The following TH variants were observed in gnomAD, a reference collection of about 807,000 sequenced individuals.
TH encodes the protein tyrosine 3-monooxygenase.
TH carries 49 observed loss-of-function variants against 57.4 expected under a neutral mutation model. The observed-to-expected ratio is 0.85, with a 90% CI of 0.68 to 1.08. TH has a LOEUF of 1.08. Ranked by LOEUF, TH falls within the 50% of genes least tolerant of loss-of-function variation. The pLI is 0.00. For missense variants in TH, 720 were observed against 696.7 expected (o/e 1.03, Z -0.38); for synonymous variants, 330 against 304.5 (o/e 1.08, Z -0.87).
chr11:2,169,166 G>A (rs536935189), intron 2 of TH, among the ~76,000 whole-genome samples: 169 of 152,224 alleles, frequency 1.1e-3, no homozygotes, highest in Admixed American at 3.8e-3. Flanking sequence ...CTGGCTCTGG[G>A]AGCTGGGGGG....
intron 5 of TH, 83 bp downstream of exon 5, chr11:2,167,783 C>G: frequency 1.4e-6 from 2 of 1,470,248 alleles, no homozygotes; most frequent in East Asian, 4.9e-5. Context: ...ATGGGTCCTC[C>G]CCTTTGTCCT....
At position 2,171,090 on chromosome 11, in the gene TH, T is replaced by TGAAC. The variant is rs1176777214; in HGVS notation, c.90+606_90+607insGTTC. Reference sequence around the variant, plus strand: ...CAGGGAACACAGACTCCATGGTGAATGAATGAATGAATGAATGAATGAATG... The same window carrying TGAAC: ...CAGGGAACACAGACTCCATGGTGAATGAACGAATGAATGAATGAATGAATGAATG... On this transcript the variant is annotated intron_variant, in intron 1 of 12. Coordinates refer to ENST00000352909, the MANE Select transcript of TH (RefSeq NM_000360.4). This position sits in a 1 kb window ranked among gnomAD's most constrained non-coding sequence, Gnocchi z 8.6. Among the ~76,000 whole-genome samples the TGAAC allele has an allele frequency of 3.4e-5, 3 of 89,064 alleles. No individual in the cohort carries two copies. Among genetic ancestry groups the TGAAC allele is most frequent in the Non-Finnish European group, 8.4e-5 (3 of 35,850 alleles). The allele number at this position is 89,064 out of a possible 152,430, so 58.4% of individuals were successfully genotyped here.
rs761759801 is a variant in TH at position 2,171,798 on chromosome 11, G to C, written c.-12C>G. On this transcript the variant is annotated 5_prime_UTR_variant, in exon 1 of 13. Transcript: ENST00000352909. This position sits in a 1 kb window ranked among gnomAD's most constrained non-coding sequence, Gnocchi z 8.6. ...TCGGGGGTGGGCATGGCTCAGTGTGGAGGTCCGGGCTCCGTCTCCACAGCC... is the reference window on the plus strand; with the variant it reads ...TCGGGGGTGGGCATGGCTCAGTGTGCAGGTCCGGGCTCCGTCTCCACAGCC... 13 of 1,609,514 alleles carry C rather than the reference G, an allele frequency of 8.1e-6. No individual in the cohort carries two copies. The South Asian group carries it at 1.1e-4, about 14-fold the overall frequency.
In TH at chr11:2,165,550, G is replaced by A. The variant is rs534939145; in HGVS notation, c.1200+118C>T. 4.4e-6 allele frequency: 6 copies of A among 1,359,670 alleles called. No individual in the cohort carries two copies. In the African/African-American group the frequency reaches 7.2e-5, roughly 16 times the overall value. The allele number at this position is 1,359,670 out of a possible 1,614,324, so 84.2% of individuals were successfully genotyped here. A position where few individuals can be genotyped will look rare whatever the true frequency, so the allele number is the denominator to read the frequency against. ...GCAGAGACAAGCCTTCTCCCAAACA[G>A]AGCCTGAGTCCTGGAGGTCCAGGCC... On this transcript the variant is annotated intron_variant, in intron 11 of 12. Coordinates refer to ENST00000352909, the MANE Select transcript of TH (RefSeq NM_000360.4).
At chr11:2,168,735 G>C in intron 2 of TH, 70 bp from the exon 3 acceptor site, 1 of 474,904 alleles carries the variant, frequency 2.1e-6, no homozygotes. Flanking sequence ...GGGTGGGGTG[G>C]GCGGGGAGGA....
rs1414529341 is a variant in TH at position 2,170,813 on chromosome 11, AGGGGAGGGCG to A, written c.90+874_90+883del. The A allele has an allele frequency of 4.1e-4, 8 of 19,700 alleles. No homozygotes were observed. Among genetic ancestry groups the A allele is most frequent in the East Asian group, 4.8e-4 (1 of 2,064 alleles). The allele number at this position is 19,700 out of a possible 1,614,324, so 1.2% of individuals were successfully genotyped here. On this transcript the variant is annotated intron_variant, in intron 1 of 12. Coordinates refer to ENST00000352909, the MANE Select transcript of TH (RefSeq NM_000360.4). This position sits in a 1 kb window ranked among gnomAD's most constrained non-coding sequence, Gnocchi z 6.0. Reference sequence around the variant, plus strand: ...GATGGGGAGCCTGGTGGGGGAGGGTAGGGGAGGGCGGGGGAGGACGGGGGAGGGCGCCCTG... The same window carrying A: ...GATGGGGAGCCTGGTGGGGGAGGGTAGGGGAGGACGGGGGAGGGCGCCCTG...
chr11:2,167,053 G>A lies in TH; in HGVS notation c.696-21C>T, dbSNP rs1282411082. The A allele has an allele frequency of 3.2e-6, 5 of 1,568,520 alleles. No homozygotes were observed. The Admixed American group carries it at 5.5e-5, about 17-fold the overall frequency. On this transcript the variant is annotated intron_variant, in intron 6 of 12. Transcript: ENST00000352909. ...CCTTCCTGCGGGCAGCCAGGCTCAG[G>A]GCCCTCTAATGCCCCACCCCAGTGC...
chr11:2,165,325 G>T lies in TH; in HGVS notation c.1241C>A (p.Pro414His). 6.2e-7 allele frequency: 1 copy of T among 1,612,452 alleles called. No homozygotes were observed. The highest frequency in any genetic ancestry group is 8.5e-7 in the Non-Finnish European group (1 of 1,180,000). The change falls in exon 12 of 13, where the codon CCT becomes CAT. Residue 414 changes from proline to histidine, a missense_variant. By Grantham distance (77) the Pro-to-His change is moderately conservative (BLOSUM62 -2). Coordinates refer to ENST00000352909, the MANE Select transcript of TH (RefSeq NM_000360.4). ...SEEPEIRAFD[P>H]EAAAVQPYQD... ...GTAGGGCTGCACGGCCGCAGCCTCA[G>T]GGTCGAAGGCCCGAATCTCAGGCTC...
Position 2,164,185 on chromosome 11 carries a change from G to A in TH, c.*48C>T, listed in dbSNP as rs778553992. ...TCACCAGGGCCTGAGCTCCGGGACA[G>A]TGCAGGACCAGGGGAGGTTGGGAAG... On this transcript the variant is annotated 3_prime_UTR_variant, in exon 13 of 13. Coordinates refer to ENST00000352909, the MANE Select transcript of TH (RefSeq NM_000360.4). The A allele has an allele frequency of 5.2e-5, 73 of 1,410,386 alleles. No homozygotes were observed. The highest frequency in any genetic ancestry group is 6.6e-5 in the Non-Finnish European group (71 of 1,078,478). 87.4% of individuals were successfully genotyped at this position (1,410,386 alleles called of 1,614,324 possible).
At position 2,170,762 on chromosome 11, in the gene TH, C is replaced by T. The variant is rs371277838; in HGVS notation, c.91-891G>A. On this transcript the variant is annotated intron_variant, in intron 1 of 12. Coordinates refer to ENST00000352909, the MANE Select transcript of TH (RefSeq NM_000360.4). The surrounding 1 kb of genome is among the most constrained non-coding windows in gnomAD (Gnocchi z 6.0). ...ACGGAGAGCCTGTGAGGCTGGGCCC[C>T]GGGGCGCCCTGGGGAGGGGATGCCT... 8.5e-5 allele frequency: 99 copies of T among 1,160,692 alleles called. No homozygotes were observed. The highest frequency in any genetic ancestry group is 7.8e-4 in the African/African-American group (37 of 47,306). 71.9% of individuals were successfully genotyped at this position (1,160,692 alleles called of 1,614,324 possible).
In TH at chr11:2,171,260, G is replaced by A. The variant is rs1482015054; in HGVS notation, c.90+437C>T. 6.6e-6 allele frequency among the ~76,000 whole-genome samples: 1 copy of A among 151,962 alleles called. No individual in the cohort carries two copies. The highest frequency in any genetic ancestry group is 1.5e-5 in the Non-Finnish European group (1 of 67,960). ...GCCTTGGGGCTGCCTCCCCAAGCAG[G>A]CAGGCTGGTTGGGGTGCTGACTAGG... is the stretch of plus-strand genomic sequence containing the variant. On this transcript the variant is annotated intron_variant, in intron 1 of 12. Coordinates refer to ENST00000352909, the MANE Select transcript of TH (RefSeq NM_000360.4). The surrounding 1 kb of genome is among the most constrained non-coding windows in gnomAD (Gnocchi z 8.6).
At chr11:2,165,081 C>T in intron 12 of TH, 151 bp downstream of exon 12, 1 of 1,167,020 alleles carries the variant, frequency 8.6e-7, no homozygotes, top group South Asian at 1.3e-5. Flanking sequence ...CGGATGGTGT[C>T]CCTGCTGTGT....
intron 5 of TH, 166 bp downstream of exon 5, chr11:2,167,700 C>T (rs1211110790): frequency 8.9e-7 from 1 of 1,129,682 alleles, no homozygotes; most frequent in African/African-American, 1.5e-5. Flanking sequence ...CTCAGTTTCC[C>T]CACTGGGATT....
At position 2,165,767 on chromosome 11, in the gene TH, C is replaced by T. The variant is rs772712441; in HGVS notation, c.1105-4G>A. 1.4e-5 allele frequency: 22 copies of T among 1,610,952 alleles called. No individual in the cohort carries two copies. The highest frequency in any genetic ancestry group is 3.3e-5 in the Admixed American group (2 of 59,898). ...ACTCCACCGTGAACCAGTACAGCTG[C>T]GGGGAAGCCGGGCAGCATCAGCCCA... On this transcript the variant is annotated splice_polypyrimidine_tract_variant and splice_region_variant and intron_variant, in intron 10 of 12. Transcript: ENST00000352909.
At chr11:2,164,958 G>A (rs547314904) in intron 12 of TH, among the ~76,000 whole-genome samples, 14 of 152,252 alleles carry the variant, frequency 9.2e-5, no homozygotes, top group Non-Finnish European at 1.6e-4. Context: ...TCCACAGGAC[G>A]TCCTCACAAA....
chr11:2,167,971 C>T (rs1371586841), intron 4 of TH, 38 bp from the exon 5 acceptor site: 8 of 1,610,168 alleles, frequency 5.0e-6, no homozygotes, highest in East Asian at 2.2e-5. Context: ...GGAGGCTGTG[C>T]TGGGGTGGGG....
chr11:2,171,573 C>T lies in TH; in HGVS notation c.90+124G>A, dbSNP rs1201126943. On this transcript the variant is annotated intron_variant, in intron 1 of 12. Transcript: ENST00000352909. This position sits in a 1 kb window ranked among gnomAD's most constrained non-coding sequence, Gnocchi z 8.6. ...CCAGGCCTCCACATCCACGCCGCGT[C>T]CCAGGGGTTTGCATGGACCCTGAGC... 1 of 1,055,040 alleles carries T rather than the reference C, an allele frequency of 9.5e-7. No homozygotes were observed. 65.4% of individuals were successfully genotyped at this position (1,055,040 alleles called of 1,614,324 possible).
At chr11:2,169,474 G>C (rs531270921) in intron 2 of TH, among the ~76,000 whole-genome samples, 176 bp downstream of exon 2, 1 of 152,218 alleles carries the variant, frequency 6.6e-6, no homozygotes, top group Non-Finnish European at 1.5e-5. Flanking sequence ...AAAACACGGG[G>C]GTGTGGCTAG....
At chr11:2,169,601 C>A (rs764589545) in intron 2 of TH, 49 bp downstream of exon 2, 1 of 1,588,686 alleles carries the variant, frequency 6.3e-7, no homozygotes, top group Admixed American at 1.7e-5. Context: ...CCCACACAGC[C>A]CCACCCACAG....
Sources: gnomAD v4.1 joint callset for allele counts (sites outside exome capture counted in the v4.1 genomes callset) on GRCh38, gnomAD v4.1.1 for gene constraint, Gnocchi (gnomAD v3.1) non-coding constraint, MANE v1.5 for transcripts, NCBI Gene and HGNC (gene_info 2026-07-23, HGNC 2026-07-21) for gene names.